TMCC1: variants seen among roughly 807,000 people sequenced by gnomAD.
The protein encoded by TMCC1 is transmembrane and coiled-coil domains protein 1.
In TMCC1, 15 loss-of-function variants were observed where a neutral mutation model predicts 52.4. The ratio of observed to expected loss-of-function variants is 0.29; its 90% CI spans 0.19 to 0.44. TMCC1 has a LOEUF of 0.44. TMCC1 is among the 20% of genes least tolerant of loss of function. TMCC1 has a pLI of 1.00. For synonymous variants in TMCC1, 279 were observed against 301.9 expected (o/e 0.92, Z 0.79); for missense variants, 503 against 806.0 (o/e 0.62, Z 4.55).
intron 4 of TMCC1, among the ~76,000 whole-genome samples, chr3:129,825,594 A>G (rs1243101847): frequency 6.6e-6 from 1 of 152,194 alleles, no homozygotes; most frequent in Non-Finnish European, 1.5e-5. Context: ...GGAGTGCAGC[A>G]ATAAAAAGGA....
intron 2 of TMCC1, among the ~76,000 whole-genome samples, chr3:129,866,074 C>T (rs776107792): frequency 2.0e-5 from 3 of 151,802 alleles, no homozygotes; most frequent in Non-Finnish European, 4.4e-5. Context: ...ATATGCAGAT[C>T]AAAATGGAAT....
chr3:129,885,817 A>C (rs1339962150), intron 1 of TMCC1, among the ~76,000 whole-genome samples: 1 of 149,780 alleles, frequency 6.7e-6, no homozygotes, highest in African/African-American at 2.4e-5. Context: ...ATCTCGGCTC[A>C]CTGCAACCTC....
chr3:129,805,137 A>G (rs2057391364), intron 4 of TMCC1, among the ~76,000 whole-genome samples: 1 of 152,158 alleles, frequency 6.6e-6, no homozygotes, highest in African/African-American at 2.4e-5. Flanking sequence ...AAGCCTTAAT[A>G]TCGAAAGTCA....
intron 4 of TMCC1, among the ~76,000 whole-genome samples, chr3:129,764,779 A>T (rs1483185396): frequency 1.5e-5 from 1 of 68,046 alleles, no homozygotes; most frequent in African/African-American, 7.5e-5. Context: ...ATATATATAT[A>T]TATATATATA....
intron 4 of TMCC1, among the ~76,000 whole-genome samples, chr3:129,690,679 G>A (rs1283503914): frequency 6.6e-6 from 1 of 152,158 alleles, no homozygotes; most frequent in Non-Finnish European, 1.5e-5. Flanking sequence ...TGAGATCACT[G>A]AAGCATATGT....
intron 4 of TMCC1, among the ~76,000 whole-genome samples, chr3:129,697,648 T>C (rs2047510419): frequency 6.6e-6 from 1 of 152,206 alleles, no homozygotes; most frequent in African/African-American, 2.4e-5. Flanking sequence ...TCCAAACTTT[T>C]ATGCTCTGCT....
Position 129,670,354 on chromosome 3 carries a change from T to G in TMCC1, c.1487A>C (p.Gln496Pro). Residue 496 changes from glutamine to proline, a missense_variant, in exon 5 of 7, where the codon CAG (glutamine) becomes CCG (proline). Physicochemically the swap from Gln to Pro is moderately conservative, Grantham distance 76 (BLOSUM62 -1). This residue lies in a region of TMCC1 where 121 missense variants were observed against 193.6 expected (regional missense o/e 0.62). Coordinates refer to ENST00000393238, the MANE Select transcript of TMCC1 (RefSeq NM_001017395.5). ...CCTATATCGCTCCTCCTGTAAGGTC[T>G]GCATTATTAAGGAATAGTCCCTCTG... is the stretch of plus-strand genomic sequence containing the variant. ...HYQRDYSLIM[Q>P]TLQEERYRCE... 1 of 1,614,114 alleles carries G rather than the reference T, an allele frequency of 6.2e-7. No homozygotes were observed. The highest frequency in any genetic ancestry group is 8.5e-7 in the Non-Finnish European group (1 of 1,179,966).
intron 4 of TMCC1, among the ~76,000 whole-genome samples, chr3:129,777,621 T>C (rs1467735416): frequency 6.6e-6 from 1 of 152,218 alleles, no homozygotes; most frequent in Non-Finnish European, 1.5e-5. Context: ...GCCTATCTTA[T>C]TCTAGACCAA....
chr3:129,785,295 C>T (rs558078424), intron 4 of TMCC1, among the ~76,000 whole-genome samples: 1 of 152,250 alleles, frequency 6.6e-6, no homozygotes, highest in South Asian at 2.1e-4. Context: ...TTATACCTAA[C>T]TCATGACCCC....
chr3:129,804,718 A>G (rs73866129), intron 4 of TMCC1, among the ~76,000 whole-genome samples: 2,360 of 152,228 alleles, frequency 0.016, 48 homozygotes, highest in African/African-American at 0.054. Flanking sequence ...TGTCACATCA[A>G]TGAATTTACA....
intron 1 of TMCC1, among the ~76,000 whole-genome samples, chr3:129,886,842 CAGG>C (rs2061730373): frequency 6.6e-6 from 1 of 151,750 alleles, no homozygotes; most frequent in Non-Finnish European, 1.5e-5. Context: ...GAGGCTGAGG[CAGG>C]AGAATCCCTG....
At chr3:129,830,373 T>C (rs1344021071) in intron 3 of TMCC1, among the ~76,000 whole-genome samples, 5 of 152,210 alleles carry the variant, frequency 3.3e-5, no homozygotes, top group African/African-American at 4.8e-5. Flanking sequence ...CATAATACAA[T>C]GTTACTCTGA....
At chr3:129,774,569 A>T (rs2054871965) in intron 4 of TMCC1, among the ~76,000 whole-genome samples, 1 of 152,226 alleles carries the variant, frequency 6.6e-6, no homozygotes, top group African/African-American at 2.4e-5. Flanking sequence ...TGGAACTAAT[A>T]CAGGGTACTA....
At chr3:129,884,136 T>C (rs373735259) in intron 1 of TMCC1, among the ~76,000 whole-genome samples, 3 of 152,076 alleles carry the variant, frequency 2.0e-5, no homozygotes, top group Admixed American at 1.3e-4. Flanking sequence ...AAATGTGCAC[T>C]ACAAGAAACA....
At chr3:129,748,120 A>G (rs1217186242) in intron 4 of TMCC1, among the ~76,000 whole-genome samples, 4 of 152,160 alleles carry the variant, frequency 2.6e-5, no homozygotes, top group Non-Finnish European at 5.9e-5. Context: ...AATTTTACCC[A>G]TATTATCTAT....
chr3:129,758,526 C>T (rs1305852130), intron 4 of TMCC1, among the ~76,000 whole-genome samples: 4 of 152,162 alleles, frequency 2.6e-5, no homozygotes, highest in Admixed American at 2.0e-4. Flanking sequence ...AACCAAGACT[C>T]CTTTGAGAAA....
chr3:129,707,067 A>G (rs1027043661), intron 4 of TMCC1, among the ~76,000 whole-genome samples: 4 of 152,082 alleles, frequency 2.6e-5, no homozygotes, highest in African/African-American at 9.7e-5. Context: ...ATAGGGCAAA[A>G]CCAGATTTAG....
At chr3:129,846,185 GACTC>G (rs1313272052) in intron 2 of TMCC1, among the ~76,000 whole-genome samples, 3 of 152,100 alleles carry the variant, frequency 2.0e-5, no homozygotes, top group Non-Finnish European at 4.4e-5. Flanking sequence ...TGGGCATGGT[GACTC>G]ACTACTGTAA....
chr3:129,780,930 T>C (rs2055471031), intron 4 of TMCC1, among the ~76,000 whole-genome samples: 1 of 152,112 alleles, frequency 6.6e-6, no homozygotes, highest in African/African-American at 2.4e-5. Flanking sequence ...AAATAAAAAT[T>C]AAGCAAAATT....
Sources: allele counts gnomAD v4.1 joint callset (sites outside exome capture counted in the v4.1 genomes callset), GRCh38; gene constraint gnomAD v4.1.1; regional missense constraint gnomAD v4.1.1; transcripts MANE v1.5; gene names NCBI Gene and HGNC (gene_info 2026-07-23, HGNC 2026-07-21).